Variants in PRKDC observed in about 807,000 individuals in gnomAD.
PRKDC encodes the protein DNA-dependent protein kinase catalytic subunit.
In PRKDC, 82 loss-of-function variants were observed where a neutral mutation model predicts 486.9. The observed-to-expected ratio is 0.17, with a 90% confidence interval of 0.14 to 0.20. The LOEUF (loss-of-function observed/expected upper bound fraction) is 0.20, where lower values mean the gene tolerates loss of function less well. Ranked by LOEUF, PRKDC falls within the 10% of genes least tolerant of loss-of-function variation. The pLI is 1.00. For missense variants in PRKDC, 4,504 were observed against 5,038.2 expected, an observed-to-expected ratio of 0.89 and a Z score of 3.21; for synonymous variants, 1,895 against 1,837.0, an observed-to-expected ratio of 1.03 and a Z score of -0.81.
intron 80 of PRKDC, among the ~76,000 whole-genome samples, chr8:47,780,225 C>G (rs956844378): frequency 6.6e-6 from 1 of 152,128 alleles, no homozygotes; most frequent in African/African-American, 2.4e-5. Flanking sequence ...AGTGCCACAT[C>G]TTTCTTTATA....
rs1022652216 is a variant in PRKDC, at chr8:47,773,237, T to C, written c.*936A>G. The C allele has an allele frequency of 3.6e-5, 8 of 224,378 alleles. No homozygotes were observed. Among genetic ancestry groups the C allele is most frequent in the Middle Eastern group, 4.2e-4 (1 of 2,398 alleles). 13.9% of individuals were successfully genotyped at this position (224,378 alleles called of 1,614,324 possible). A position where few individuals can be genotyped will look rare whatever the true frequency, so the allele number is the denominator to read the frequency against. The stretch of plus-strand genomic sequence containing the variant: ...AGCTAAAAGCCAATCAGAAACAGTT[T>C]GGGTGTGGAGGACTGGCGGGGGGGG... On this transcript the variant is annotated 3_prime_UTR_variant, in exon 86 of 86. Transcript: ENST00000314191.
intron 40 of PRKDC, among the ~76,000 whole-genome samples, chr8:47,865,755 T>C (rs1050104112): frequency 6.6e-6 from 1 of 152,076 alleles, no homozygotes; most frequent in African/African-American, 2.4e-5. Flanking sequence ...GGTACTATAA[T>C]GGACTGAATG....
chr8:47,877,784 C>T lies in PRKDC; in HGVS notation c.5303G>A (p.Arg1768Gln). 1 of 1,597,244 alleles carries T rather than the reference C, an allele frequency of 6.3e-7. No individual in the cohort carries two copies. Among genetic ancestry groups the T allele is most frequent in the Non-Finnish European group, 8.5e-7 (1 of 1,170,958 alleles). Residue 1768 changes from arginine (R) to glutamine (Q), a missense_variant, in exon 40 of 86, where the codon CGG becomes CAG. Arg to Gln is a conservative substitution (Grantham distance 43). This residue lies in a region of PRKDC where 1,969 missense variants were observed against 2,068.9 expected (regional missense o/e 0.95). Transcript: ENST00000314191. ...TTCTTCCATGACATGCTGCTGTTCC[C>T]GACAAAGAACTTCTGTCATCAATTC... ...LLELMTEVLCREQQHVMEELF... is the reference protein window; with the variant it reads ...LLELMTEVLCQEQQHVMEELF...
chr8:47,920,446 T>C (rs941781965), intron 21 of PRKDC, among the ~76,000 whole-genome samples: 2 of 152,352 alleles, frequency 1.3e-5, no homozygotes, highest in East Asian at 1.9e-4. Context: ...TTGGGGGGTA[T>C]TGATAAATTA....
chr8:47,936,599 A>T, intron 11 of PRKDC, 82 bp from the exon 12 acceptor site: 1 of 1,487,096 alleles, frequency 6.7e-7, no homozygotes, highest in East Asian at 2.3e-5. Context: ...AAGCCATGTG[A>T]TTATAAACAC....
At chr8:47,809,207 C>T (rs1225777630) in intron 68 of PRKDC, among the ~76,000 whole-genome samples, 1 of 151,822 alleles carries the variant, frequency 6.6e-6, no homozygotes, top group Non-Finnish European at 1.5e-5. Flanking sequence ...TCTCTTTTTC[C>T]TTTTTCCTCT....
Position 47,864,198 on chromosome 8 carries a change from G to A in PRKDC, c.5571+358C>T, listed in dbSNP as rs561453786. On this transcript the variant is annotated intron_variant, in intron 41 of 85. Transcript: ENST00000314191. ...GACAGGAAATGGAAATGTGACCAGG[G>A]AGGAAGAGACCAGGGTGAAACCAGC... is the stretch of plus-strand genomic sequence containing the variant. Among the ~76,000 whole-genome samples, 5 of 139,152 alleles carry A rather than the reference G, an allele frequency of 3.6e-5. No individual in the cohort carries two copies. In the South Asian group the frequency reaches 1.1e-3, roughly 29 times the overall value. The allele number at this position is 139,152 out of a possible 152,430, so 91.3% of individuals were successfully genotyped here. A position where few individuals can be genotyped will look rare whatever the true frequency, so the allele number is the denominator to read the frequency against.
rs546781777 is a variant in PRKDC at position 47,843,867 on chromosome 8, G to T, written c.7281-3678C>A. 4.6e-5 allele frequency among the ~76,000 whole-genome samples: 7 copies of T among 152,326 alleles called. No individual in the cohort carries two copies. In the South Asian group the frequency reaches 1.2e-3, roughly 27 times the overall value. ...ACATTAAGGGAATTTGTTACTATTAGACCTGTCTTGTAAGAGGTCCTTAAG... is the reference window on the plus strand; with the variant it reads ...ACATTAAGGGAATTTGTTACTATTATACCTGTCTTGTAAGAGGTCCTTAAG... On this transcript the variant is annotated intron_variant, in intron 54 of 85. Transcript: ENST00000314191.
At chr8:47,793,271 T>C (rs2086913459) in intron 74 of PRKDC, among the ~76,000 whole-genome samples, 1 of 152,200 alleles carries the variant, frequency 6.6e-6, no homozygotes, top group Non-Finnish European at 1.5e-5. Context: ...AGAAACAGTA[T>C]GGTGGGCAGG....
At chr8:47,939,720 T>A (rs767474714) in intron 10 of PRKDC, 23 bp from the exon 11 acceptor site, 2 of 1,528,020 alleles carry the variant, frequency 1.3e-6, no homozygotes, top group Non-Finnish European at 1.8e-6. Flanking sequence ...AATATTTATT[T>A]TTTTGGAAAT....
chr8:47,795,286 T>C (rs2086960507), intron 73 of PRKDC, among the ~76,000 whole-genome samples: 1 of 150,454 alleles, frequency 6.6e-6, no homozygotes, highest in Non-Finnish European at 1.5e-5. Context: ...GCCTCCCAGG[T>C]TTACGCCATT....
rs1480743926 is a variant in PRKDC at position 47,953,770 on chromosome 8, C to T, written c.621+37G>A. The T allele has an allele frequency of 1.9e-6, 3 of 1,579,834 alleles. No individual in the cohort carries two copies. In the East Asian group the frequency reaches 6.8e-5, roughly 36 times the overall value. ...TCATTACAAGAGAAAAACACAACCA[C>T]ATCTATGGAAGCAGAATGTCATAAA... On this transcript the variant is annotated intron_variant, in intron 6 of 85. Transcript: ENST00000314191.
rs1381296555 is a variant in PRKDC, at chr8:47,778,621, GA to G, written c.11690del (p.Phe3897SerfsTer14). The G allele has an allele frequency of 6.2e-7, 1 of 1,613,572 alleles. No individual in the cohort carries two copies. The highest frequency in any genetic ancestry group is 8.5e-7 in the Non-Finnish European group (1 of 1,179,758). Reference protein sequence around the residue: ...FVRMSTSPEAFLALRSHFASS... With the variant: ...FVRMSTSPEAXLALRSHFASS... ...TGGCGAAGTGGGAGCGGAGCGCCAG[GA>G]AAGCCTCAGGGCTTGTACTCATCCT... On this transcript the variant is annotated frameshift_variant, in exon 83 of 86. Coordinates refer to ENST00000314191, the MANE Select transcript of PRKDC (RefSeq NM_006904.7). LOFTEE classifies it high-confidence loss of function.
intron 62 of PRKDC, among the ~76,000 whole-genome samples, chr8:47,827,127 C>T (rs1039514152): frequency 3.2e-5 from 4 of 126,202 alleles, no homozygotes; most frequent in African/African-American, 1.7e-4. Context: ...ATCACACACA[C>T]ACACACACAC....
At chr8:47,854,448 C>G (rs1433403878) in intron 50 of PRKDC, among the ~76,000 whole-genome samples, 1 of 152,124 alleles carries the variant, frequency 6.6e-6, no homozygotes, top group Non-Finnish European at 1.5e-5. Flanking sequence ...ACGCCATTCT[C>G]CTGCCTCAGC....
chr8:47,867,939 G>GA (rs2088855348), intron 40 of PRKDC, among the ~76,000 whole-genome samples: 1 of 152,118 alleles, frequency 6.6e-6, no homozygotes, highest in African/African-American at 2.4e-5. Context: ...TGCATCTACT[G>GA]AAATTATAAT....
intron 38 of PRKDC, among the ~76,000 whole-genome samples, chr8:47,879,992 C>G (rs2089177130): frequency 1.3e-5 from 2 of 152,134 alleles, no homozygotes; most frequent in South Asian, 2.1e-4. Context: ...ATTACAGGCG[C>G]CTGCCACTAT....
intron 19 of PRKDC, 132 bp from the exon 20 acceptor site, chr8:47,928,022 A>T: frequency 1.3e-6 from 1 of 744,492 alleles, no homozygotes; most frequent in Non-Finnish European, 1.9e-6. Context: ...ACATTCACTT[A>T]CAAATTACAC....
intron 69 of PRKDC, among the ~76,000 whole-genome samples, chr8:47,803,883 G>A (rs1486558319): frequency 6.6e-6 from 1 of 151,742 alleles, no homozygotes; most frequent in Non-Finnish European, 1.5e-5. Context: ...GGGAGGTTGA[G>A]GCTGCAGTGA....
Sources: allele counts gnomAD v4.1 joint callset (sites outside exome capture counted in the v4.1 genomes callset), GRCh38; gene constraint gnomAD v4.1.1; regional missense constraint gnomAD v4.1.1; transcripts MANE v1.5; gene names NCBI Gene and HGNC (gene_info 2026-07-23, HGNC 2026-07-21).